The following DAB1 variants were observed in gnomAD, a reference collection of about 807,000 sequenced individuals.
DAB1 encodes the protein disabled homolog 1.
DAB1 carries 15 observed loss-of-function variants against 64.6 expected under a neutral mutation model. That is an observed-to-expected ratio of 0.23 (90% CI 0.16 to 0.36). The LOEUF (loss-of-function observed/expected upper bound fraction) is 0.36, where lower values mean the gene tolerates loss of function less well. DAB1 is among the 10% of genes least tolerant of loss of function. DAB1 has a pLI of 1.00. For missense variants in DAB1, 596 were observed against 706.7 expected, an observed-to-expected ratio of 0.84 and a Z score of 1.78; for synonymous variants, 235 against 251.9, an observed-to-expected ratio of 0.93 and a Z score of 0.64.
chr1:57,024,465 C>T (rs1258979527), intron 10 of DAB1, among the ~76,000 whole-genome samples: 2 of 151,668 alleles, frequency 1.3e-5, no homozygotes, highest in African/African-American at 4.8e-5. Context: ...CCTTTTTTTT[C>T]CCCTTGGAAT....
At chr1:57,399,252 C>T (rs1255457270) in intron 1 of DAB1, among the ~76,000 whole-genome samples, 2 of 152,154 alleles carry the variant, frequency 1.3e-5, no homozygotes, top group East Asian at 1.9e-4. Context: ...TGGACAGCGA[C>T]TGAATCTTAT....
At chr1:58,126,766 T>C (rs1291025591) in intron 5 of DAB1, among the ~76,000 whole-genome samples, 2 of 152,046 alleles carry the variant, frequency 1.3e-5, no homozygotes, top group Non-Finnish European at 2.9e-5. Flanking sequence ...ATTGCATCCA[T>C]GTCCCTACAA....
rs533022502 is a variant in DAB1 at position 57,493,280 on chromosome 1, C to A, written n.625+156312G>T. Reference sequence around the variant, plus strand: ...CCAGAACCCACCCATGAAACATTAACCCCCTATTTCTTCCTTCCTCCCCCC... The same window carrying A: ...CCAGAACCCACCCATGAAACATTAAACCCCTATTTCTTCCTTCCTCCCCCC... On this transcript the variant is annotated intron_variant and non_coding_transcript_variant, in intron 7 of 20. Transcript: ENST00000485760. 6.6e-5 allele frequency among the ~76,000 whole-genome samples: 10 copies of A among 151,980 alleles called. No individual in the cohort carries two copies. In the South Asian group the frequency reaches 1.0e-3, roughly 16 times the overall value.
At chr1:57,602,295 T>C (rs567985509) in intron 7 of DAB1, among the ~76,000 whole-genome samples, 6 of 152,320 alleles carry the variant, frequency 3.9e-5, no homozygotes, top group African/African-American at 9.6e-5. Flanking sequence ...AAAGGTAGGA[T>C]AGATACGATG....
At chr1:57,894,352 G>A (rs756316235) in intron 5 of DAB1, among the ~76,000 whole-genome samples, 10 of 152,170 alleles carry the variant, frequency 6.6e-5, no homozygotes, top group Non-Finnish European at 1.2e-4. Flanking sequence ...GCATGGATTT[G>A]CCACTGCTAA....
chr1:57,677,543 T>C (rs1230094615), intron 6 of DAB1, among the ~76,000 whole-genome samples: 1 of 152,212 alleles, frequency 6.6e-6, no homozygotes, highest in Non-Finnish European at 1.5e-5. Context: ...CAACACTATG[T>C]GCACACCTTG....
At chr1:58,230,370 G>T (rs1659719382) in intron 4 of DAB1, among the ~76,000 whole-genome samples, 1 of 152,162 alleles carries the variant, frequency 6.6e-6, no homozygotes, top group Non-Finnish European at 1.5e-5. Flanking sequence ...CCAGGCAGGA[G>T]GTCATCACCA....
chr1:58,031,989 C>CGTGTGT (rs59449665), intron 5 of DAB1, among the ~76,000 whole-genome samples: 3,750 of 141,848 alleles, frequency 0.026, 78 homozygotes, highest in Non-Finnish European at 0.033. Flanking sequence ...CTGATAGAAA[C>CGTGTGT]GTGTGTGTGT....
At chr1:57,478,249 T>G (rs1643964320) in intron 7 of DAB1, among the ~76,000 whole-genome samples, 3 of 152,168 alleles carry the variant, frequency 2.0e-5, no homozygotes, top group Non-Finnish European at 2.9e-5. Flanking sequence ...CATAATGTAT[T>G]TGATTTTTAA....
At chr1:58,230,157 C>G (rs1659709235) in intron 4 of DAB1, among the ~76,000 whole-genome samples, 1 of 152,180 alleles carries the variant, frequency 6.6e-6, no homozygotes, top group Non-Finnish European at 1.5e-5. Flanking sequence ...AGGTGACCTT[C>G]CTTCCCTGTG....
intron 3 of DAB1, among the ~76,000 whole-genome samples, chr1:58,435,999 T>G (rs1227293452): frequency 5.9e-5 from 9 of 152,202 alleles, no homozygotes; most frequent in Admixed American, 5.9e-4. Context: ...CCTCCTGGCA[T>G]AGAAGCCATC....
intron 2 of DAB1, among the ~76,000 whole-genome samples, chr1:57,270,700 C>A (rs978516018): frequency 6.6e-6 from 1 of 152,216 alleles, no homozygotes; most frequent in African/African-American, 2.4e-5. Context: ...GTGCTGGTGA[C>A]CCTGCAATGA....
intron 2 of DAB1, among the ~76,000 whole-genome samples, chr1:57,227,005 C>T (rs1246335584): frequency 7.0e-6 from 1 of 143,448 alleles, no homozygotes; most frequent in South Asian, 2.1e-4. Context: ...TAGTGAGACA[C>T]CATCTCTCAA....
chr1:57,769,413 G>A (rs2101828381), intron 6 of DAB1, among the ~76,000 whole-genome samples: 1 of 152,288 alleles, frequency 6.6e-6, no homozygotes, highest in Admixed American at 6.5e-5. Context: ...CAGAGAGAAA[G>A]ATCCCTCTCT....
intron 1 of DAB1, among the ~76,000 whole-genome samples, chr1:57,384,694 T>C (rs887468746): frequency 4.3e-4 from 65 of 152,230 alleles, no homozygotes; most frequent in African/African-American, 1.5e-3. Flanking sequence ...GTCAAATTCA[T>C]AGAAAGTAGA....
chr1:57,536,069 T>C (rs1391892672), intron 7 of DAB1, among the ~76,000 whole-genome samples: 2 of 152,212 alleles, frequency 1.3e-5, no homozygotes, highest in African/African-American at 4.8e-5. Context: ...GATTTCTGTT[T>C]GCAAACAGCT....
chr1:58,038,559 A>C (rs995726318), intron 5 of DAB1, among the ~76,000 whole-genome samples: 6 of 141,978 alleles, frequency 4.2e-5, no homozygotes, highest in Admixed American at 1.4e-4. Context: ...GCTTCCTCTC[A>C]CCTGGGTTTA....
chr1:57,314,380 G>C (rs984529903), intron 1 of DAB1, among the ~76,000 whole-genome samples: 1 of 152,238 alleles, frequency 6.6e-6, no homozygotes, highest in Non-Finnish European at 1.5e-5. Flanking sequence ...TGTGGCCAGA[G>C]TTTTGGGAAG....
chr1:58,468,978 G>T (rs2100326030), intron 3 of DAB1: 1 of 244,210 alleles, frequency 4.1e-6, no homozygotes, highest in East Asian at 1.8e-4. Context: ...CCGCCTGGCT[G>T]ACCTTCTTTC....
Sources: allele counts gnomAD v4.1 joint callset (sites outside exome capture counted in the v4.1 genomes callset), GRCh38; gene constraint gnomAD v4.1.1; transcripts MANE v1.5; gene names NCBI Gene and HGNC (gene_info 2026-07-23, HGNC 2026-07-21).